Variants in PAWR observed in about 807,000 individuals in gnomAD.
PAWR encodes pro-apoptotic WT1 regulator.
In PAWR, 23 loss-of-function variants were observed where a neutral mutation model predicts 32.0. The ratio of observed to expected loss-of-function variants is 0.72; its 90% CI spans 0.52 to 1.02. The LOEUF (loss-of-function observed/expected upper bound fraction) is 1.02. PAWR is among the 50% of genes least tolerant of loss of function. PAWR has a pLI of 0.00. For missense variants in PAWR, 457 were observed against 437.7 expected, an observed-to-expected ratio of 1.04 and a Z score of -0.39; for synonymous variants, 226 against 187.1, an observed-to-expected ratio of 1.21 and a Z score of -1.70.
chr12:79,603,642 A>G (rs1874045708), intron 4 of PAWR: 1 of 151,790 alleles, frequency 6.6e-6, no homozygotes, highest in Non-Finnish European at 1.5e-5. Context: ...TAGACTTGTC[A>G]ATACATAAAC....
At chr12:79,683,718 T>A (rs1878552194) in intron 2 of PAWR, among the ~76,000 whole-genome samples, 1 of 152,056 alleles carries the variant, frequency 6.6e-6, no homozygotes, top group Non-Finnish European at 1.5e-5. Flanking sequence ...AGTATTACAC[T>A]CAGTTAAATT....
At chr12:79,670,785 T>C (rs1392105017) in intron 2 of PAWR, among the ~76,000 whole-genome samples, 4 of 152,114 alleles carry the variant, frequency 2.6e-5, no homozygotes, top group African/African-American at 9.7e-5. Context: ...CTTCAAGATT[T>C]TGTGATTTTA....
At chr12:79,655,491 G>A (rs1877053175) in intron 2 of PAWR, among the ~76,000 whole-genome samples, 1 of 152,110 alleles carries the variant, frequency 6.6e-6, no homozygotes, top group Non-Finnish European at 1.5e-5. Flanking sequence ...CAGTGCCCAG[G>A]ACCTACCTAC....
At chr12:79,673,558 C>A (rs1878016183) in intron 2 of PAWR, among the ~76,000 whole-genome samples, 1 of 152,150 alleles carries the variant, frequency 6.6e-6, no homozygotes, top group African/African-American at 2.4e-5. Flanking sequence ...CCTTATTGTG[C>A]CCCTCAGTGA....
chr12:79,658,280 T>C (rs1282236163), intron 2 of PAWR, among the ~76,000 whole-genome samples: 4 of 152,050 alleles, frequency 2.6e-5, no homozygotes, highest in Admixed American at 2.6e-4. Context: ...TAAAAGAAAT[T>C]AGGCCAGAAT....
rs959554402 is a variant in PAWR, at chr12:79,689,820, G to T, written c.425C>A (p.Pro142His). Reference protein sequence around the residue: ...GVPEKGKSSGPSARKGKGQIE... With the variant: ...GVPEKGKSSGHSARKGKGQIE... The stretch of plus-strand genomic sequence containing the variant: ...CTGCCCCTTGCCTTTCCTGGCACTG[G>T]GGCCCGAGCTCTTGCCCTTCTCTGG... The change falls in exon 2 of 7, where the codon CCC becomes CAC. Residue 142 changes from proline to histidine, a missense_variant. Physicochemically the swap from Pro to His is moderately conservative, Grantham distance 77. Coordinates refer to ENST00000328827, the MANE Select transcript of PAWR (RefSeq NM_002583.4). 2 of 1,594,266 alleles carry T rather than the reference G, an allele frequency of 1.3e-6. No individual in the cohort carries two copies. Among genetic ancestry groups the T allele is most frequent in the Admixed American group, 1.7e-5 (1 of 58,154 alleles).
rs1398339369 is a variant in PAWR at position 79,690,127 on chromosome 12, C to T, written c.118G>A (p.Ala40Thr). 8 of 1,502,956 alleles carry T rather than the reference C, an allele frequency of 5.3e-6. No individual in the cohort carries two copies. The East Asian group carries it at 1.7e-4, about 32-fold the overall frequency. The allele number at this position is 1,502,956 out of a possible 1,614,324, so 93.1% of individuals were successfully genotyped here. Reference sequence around the variant, plus strand: ...TCGCTGCTGCCCCCTCCCGGGGGGGCCGGGCCCGGGGGGTTCTGCTTGGCG... The same window carrying T: ...TCGCTGCTGCCCCCTCCCGGGGGGGTCGGGCCCGGGGGGTTCTGCTTGGCG... The part of the protein sequence containing the change: ...MRAKQNPPGP[A>T]PPGGGSSDAA... The change falls in exon 2 of 7, where the codon GCC becomes ACC. Residue 40 changes from alanine to threonine, a missense_variant. Transcript: ENST00000328827.
intron 2 of PAWR, among the ~76,000 whole-genome samples, chr12:79,687,582 A>C (rs138280983): frequency 5.4e-4 from 82 of 152,224 alleles, no homozygotes; most frequent in African/African-American, 1.8e-3. Context: ...CTTTTTACTT[A>C]TTTTCATACC....
rs935094066 is a variant in PAWR, at chr12:79,585,303, G to A, written c.*7304C>T. Reference sequence around the variant, plus strand: ...TGCATCAAAATTACATGAAGCGCTTGTTAAAACAGATTGAGCCCCATCTGC... The same window carrying A: ...TGCATCAAAATTACATGAAGCGCTTATTAAAACAGATTGAGCCCCATCTGC... On this transcript the variant is annotated 3_prime_UTR_variant, in exon 7 of 7. Transcript: ENST00000328827. The A allele has an allele frequency of 1.1e-5, 3 of 279,692 alleles. No homozygotes were observed. The highest frequency in any genetic ancestry group is 4.5e-5 in the African/African-American group (2 of 43,986). The allele number at this position is 279,692 out of a possible 1,614,324, so 17.3% of individuals were successfully genotyped here.
intron 3 of PAWR, among the ~76,000 whole-genome samples, chr12:79,620,487 A>G (rs932925622): frequency 6.6e-6 from 1 of 152,176 alleles, no homozygotes; most frequent in Non-Finnish European, 1.5e-5. Context: ...TCAGAGCCTG[A>G]GCAGAATGAA....
chr12:79,662,300 A>C (rs1292204251), intron 2 of PAWR, among the ~76,000 whole-genome samples: 2 of 152,272 alleles, frequency 1.3e-5, no homozygotes, highest in East Asian at 3.9e-4. Flanking sequence ...TCACATTTGA[A>C]AAAACAGTTT....
intron 3 of PAWR, among the ~76,000 whole-genome samples, chr12:79,620,716 G>C (rs1424106925): frequency 6.6e-6 from 1 of 152,178 alleles, no homozygotes; most frequent in African/African-American, 2.4e-5. Context: ...GCGCAGGCAG[G>C]ATGAAGTGAA....
At chr12:79,659,157 C>T (rs1565694097) in intron 2 of PAWR, among the ~76,000 whole-genome samples, 2 of 151,788 alleles carry the variant, frequency 1.3e-5, no homozygotes, top group South Asian at 4.2e-4. Flanking sequence ...ACGAGCCAGG[C>T]GTGGTGGCGG....
chr12:79,677,295 T>C (rs1460876352), intron 2 of PAWR, among the ~76,000 whole-genome samples: 2 of 152,240 alleles, frequency 1.3e-5, no homozygotes, highest in African/African-American at 2.4e-5. Flanking sequence ...ATTAAATTTC[T>C]GGATAAATAC....
In PAWR at chr12:79,632,361, A is replaced by ATATATATATT. The variant is rs1566011212; in HGVS notation, c.517-11155_517-11154insAATATATATA. 4.4e-4 allele frequency among the ~76,000 whole-genome samples: 9 copies of ATATATATATT among 20,600 alleles called. 1 individual carries two copies. The highest frequency in any genetic ancestry group is 6.9e-4 in the Non-Finnish European group (9 of 12,954). The allele number at this position is 20,600 out of a possible 152,430, so 13.5% of individuals were successfully genotyped here. ...TATATATATATATATATATATATAT[A>ATATATATATT]TTTTTTTTTTTTTTTAGACAGGGTC... On this transcript the variant is annotated intron_variant, in intron 2 of 6. Coordinates refer to ENST00000328827, the MANE Select transcript of PAWR (RefSeq NM_002583.4).
chr12:79,592,232 C>A lies in PAWR; in HGVS notation c.*375G>T. The A allele has an allele frequency of 5.3e-6, 1 of 188,954 alleles. No individual in the cohort carries two copies. 11.7% of individuals were successfully genotyped at this position (188,954 alleles called of 1,614,324 possible). On this transcript the variant is annotated 3_prime_UTR_variant, in exon 7 of 7. Transcript: ENST00000328827. ...TAATAGGACATGTGAAGGTAACATCCCAAAAGTATTTGAACTCATGTAAAC... is the reference window on the plus strand; with the variant it reads ...TAATAGGACATGTGAAGGTAACATCACAAAAGTATTTGAACTCATGTAAAC...
rs1873499686 is a variant in PAWR at position 79,589,979 on chromosome 12, A to C, written c.*2628T>G. On this transcript the variant is annotated 3_prime_UTR_variant, in exon 7 of 7. Coordinates refer to ENST00000328827, the MANE Select transcript of PAWR (RefSeq NM_002583.4). ...ACACTTTTTATAAATTTTCAGGTGA[A>C]ACTGTAGCAGATCCTACTTTATTTT... 1 of 152,156 alleles carries C rather than the reference A, an allele frequency of 6.6e-6. No individual in the cohort carries two copies. Among genetic ancestry groups the C allele is most frequent in the South Asian group, 2.1e-4 (1 of 4,830 alleles). The allele number at this position is 152,156 out of a possible 1,614,324, so 9.4% of individuals were successfully genotyped here. A position where few individuals can be genotyped will look rare whatever the true frequency, so the allele number is the denominator to read the frequency against.
chr12:79,665,105 T>C (rs1455627482), intron 2 of PAWR, among the ~76,000 whole-genome samples: 2 of 152,326 alleles, frequency 1.3e-5, no homozygotes, highest in East Asian at 3.9e-4. Flanking sequence ...TTCTGAGATA[T>C]GTTTCCATAG....
chr12:79,610,735 T>G (rs145172537), intron 4 of PAWR, among the ~76,000 whole-genome samples: 2 of 137,344 alleles, frequency 1.5e-5, no homozygotes, highest in East Asian at 4.2e-4. Flanking sequence ...CTGGGCAACA[T>G]AGAGAGATTC....
Sources: allele counts gnomAD v4.1 joint callset (sites outside exome capture counted in the v4.1 genomes callset), GRCh38; gene constraint gnomAD v4.1.1; transcripts MANE v1.5; gene names NCBI Gene and HGNC (gene_info 2026-07-23, HGNC 2026-07-21).